GAS2L1: variants seen among roughly 807,000 people sequenced by gnomAD.
GAS2L1 encodes the protein GAS2-like protein 1.
GAS2L1 carries 26 observed loss-of-function variants against 44.0 expected under a neutral mutation model. The observed-to-expected ratio is 0.59, with a 90% CI of 0.43 to 0.82. The LOEUF (loss-of-function observed/expected upper bound fraction) is 0.82, where lower values mean the gene tolerates loss of function less well. Among genes scored for constraint, GAS2L1 ranks in the 40% least tolerant of loss-of-function variants. The pLI is 0.00. For synonymous variants in GAS2L1, 426 were observed against 415.9 expected (o/e 1.02, Z -0.30); for missense variants, 1,006 against 983.0 (o/e 1.02, Z -0.31).
intron 4 of GAS2L1, chr22:29,311,244 G>T: frequency 1.7e-6 from 1 of 588,226 alleles, no homozygotes; most frequent in Admixed American, 3.2e-5. Context: ...CCTGGGAAGG[G>T]GGGTGTCTAG....
At position 29,308,123 on chromosome 22, in the gene GAS2L1, G is replaced by A. The variant is rs765409245; in HGVS notation, c.18G>A (p.Ala6=). The change falls in exon 1 of 5, where the codon GCG becomes GCA. Residue 6 remains alanine (A), a synonymous_variant. Coordinates refer to ENST00000618518, the Ensembl canonical transcript of GAS2L1. The stretch of plus-strand genomic sequence containing the variant: ...GTCCGGGCATGGCAGACCCAGTGGC[G>A]GGCATCGCGGGCTCGGCGGCCAAGA... 3.9e-6 allele frequency: 6 copies of A among 1,555,302 alleles called. No individual in the cohort carries two copies. The East Asian group carries it at 9.1e-5, about 24-fold the overall frequency.
exon 5 of GAS2L1, chr22:29,311,889 CCTG>C: frequency 6.2e-7 from 1 of 1,600,164 alleles, no homozygotes; most frequent in Non-Finnish European, 8.5e-7. Context: ...TGCCCGCAGC[CCTG>C]CAGCACCCCG....
exon 4 of GAS2L1, chr22:29,310,900 T>C (rs760349118): frequency 6.2e-7 from 1 of 1,613,574 alleles, no homozygotes; most frequent in Admixed American, 1.7e-5. Context: ...GTCCCCGCCC[T>C]GCTAGCCCAG....
intron 1 of GAS2L1, 50 bp from the exon 3 acceptor site, chr22:29,310,389 C>T: frequency 2.9e-6 from 3 of 1,018,872 alleles, no homozygotes; most frequent in African/African-American, 1.6e-5. Flanking sequence ...ACATTAAGCC[C>T]CAGGAGGAGG....
At chr22:29,312,369 C>A in exon 5 of GAS2L1, 1 of 1,603,122 alleles carries the variant, frequency 6.2e-7, no homozygotes, top group African/African-American at 1.3e-5. Context: ...GGACACACAG[C>A]CAGACCGTAA....
exon 5 of GAS2L1, chr22:29,312,730 G>C: frequency 2.5e-6 from 1 of 395,362 alleles, no homozygotes; most frequent in Non-Finnish European, 4.5e-6. Flanking sequence ...GGCGAGCCCG[G>C]TGTTCTGAAG....
rs541058137 is a variant in GAS2L1, at chr22:29,308,698, C to A, written c.593C>A (p.Pro198His). ...GCACCAGGGACTCCTGCCCGCGGCC[C>A]CCGCATGACACCCAGCGACCTGCGC... The change falls in exon 1 of 5, where the codon CCC becomes CAC. Residue 198 changes from proline to histidine, a missense_variant. Physicochemically the swap from Pro to His is moderately conservative, Grantham distance 77. Transcript: ENST00000618518. 3 of 1,503,072 alleles carry A rather than the reference C, an allele frequency of 2.0e-6. No homozygotes were observed. Among genetic ancestry groups the A allele is most frequent in the African/African-American group, 2.8e-5 (2 of 71,670 alleles). 93.1% of individuals were successfully genotyped at this position (1,503,072 alleles called of 1,614,324 possible). A position where few individuals can be genotyped will look rare whatever the true frequency, so the allele number is the denominator to read the frequency against.
intron 4 of GAS2L1, 87 bp from the exon 6 acceptor site, chr22:29,311,375 A>C: frequency 1.6e-6 from 1 of 622,276 alleles, no homozygotes; most frequent in South Asian, 2.0e-5. Context: ...TCCACCAGCC[A>C]CATACCCTGC....
At chr22:29,312,482 A>G (rs1199996133) in exon 5 of GAS2L1, 1 of 1,509,712 alleles carries the variant, frequency 6.6e-7, no homozygotes, top group African/African-American at 1.4e-5. Context: ...GGGCTGAGCC[A>G]GATTCCTGGA....
exon 5 of GAS2L1, chr22:29,311,688 C>T (rs2061408427): frequency 2.0e-6 from 3 of 1,520,276 alleles, no homozygotes; most frequent in South Asian, 1.2e-5. Context: ...GGATCGCGGC[C>T]GGCCCCGGGG....
At chr22:29,309,172 C>G (rs1292078190) in intron 1 of GAS2L1, among the ~76,000 whole-genome samples, 1 of 152,198 alleles carries the variant, frequency 6.6e-6, no homozygotes, top group Non-Finnish European at 1.5e-5. Context: ...TGAGACGAGG[C>G]ATGGAAAAAC....
chr22:29,312,315 C>T, exon 5 of GAS2L1: 1 of 1,606,604 alleles, frequency 6.2e-7, no homozygotes, highest in Non-Finnish European at 8.5e-7. Context: ...TGGGAGCCCC[C>T]TGGCTTGCAC....
At position 29,310,937 on chromosome 22, in the gene GAS2L1, C is replaced by G. The variant is rs61737776; in HGVS notation, c.949C>G (p.Arg317Gly). Reference sequence around the variant, plus strand: ...CCCTGGGAGTGAGCGCCGGGGCTCCCGGCCTGAGATGACTCCCGTTAGCTT... The same window carrying G: ...CCCTGGGAGTGAGCGCCGGGGCTCCGGGCCTGAGATGACTCCCGTTAGCTT... Residue 317 changes from arginine to glycine, a missense_variant, in exon 4 of 5, where the codon CGG (arginine) becomes GGG (glycine). Transcript: ENST00000618518. 2.5e-3 allele frequency: 4,004 copies of G among 1,613,728 alleles called. 80 individuals are homozygous for G. The African/African-American group carries it at 0.038, about 15-fold the overall frequency.
exon 3 of GAS2L1, chr22:29,310,704 A>G: frequency 6.2e-7 from 1 of 1,609,850 alleles, no homozygotes; most frequent in Non-Finnish European, 8.5e-7. Context: ...TTACCTGGAC[A>G]AGCACGACCC....
At chr22:29,312,616 C>A in exon 5 of GAS2L1, 1 of 643,938 alleles carries the variant, frequency 1.6e-6, no homozygotes, top group East Asian at 2.9e-5. Context: ...GGACCAGACC[C>A]CTTGGGACCA....
At chr22:29,312,775 T>A in exon 5 of GAS2L1, 1 of 348,412 alleles carries the variant, frequency 2.9e-6, no homozygotes, top group Non-Finnish European at 5.1e-6. Flanking sequence ...ACAGTAAAGT[T>A]TTGCTCCAGC....
chr22:29,311,364 G>A, intron 4 of GAS2L1, 98 bp from the exon 6 acceptor site: 2 of 605,440 alleles, frequency 3.3e-6, no homozygotes, highest in Non-Finnish European at 5.8e-6. Context: ...TGACAGCCCC[G>A]TCCACCAGCC....
intron 1 of GAS2L1, 24 bp from the exon 3 acceptor site, chr22:29,310,415 C>A (rs757403592): frequency 1.5e-6 from 2 of 1,354,210 alleles, no homozygotes; most frequent in African/African-American, 1.4e-5. Flanking sequence ...ACCTCTGACC[C>A]CTACCCTCTC....
chr22:29,308,167 C>T, exon 1 of GAS2L1: 1 of 1,594,760 alleles, frequency 6.3e-7, no homozygotes, highest in South Asian at 1.1e-5. Flanking sequence ...CCATTTCGCT[C>T]CAGTGAGGCC....
Sources: gnomAD v4.1 joint callset for allele counts (sites outside exome capture counted in the v4.1 genomes callset) on GRCh38, gnomAD v4.1.1 for gene constraint, MANE v1.5 for transcripts, NCBI Gene and HGNC (gene_info 2026-07-23, HGNC 2026-07-21) for gene names.